Variants in XIRP2 observed in about 807,000 individuals in gnomAD.
XIRP2 encodes the protein xin actin binding repeat containing 2.
XIRP2 carries 236 observed loss-of-function variants against 277.0 expected under a neutral mutation model. The observed-to-expected ratio is 0.85, with a 90% confidence interval of 0.77 to 0.95. XIRP2 has a LOEUF of 0.95. XIRP2 is among the 40% of genes least tolerant of loss of function. The probability of loss-of-function intolerance (pLI) is 0.00; values close to 1 mark genes in which losing one functional copy is unlikely to be tolerated. For missense variants in XIRP2, 4,640 were observed against 4,157.5 expected (o/e 1.12, Z -3.19); for synonymous variants, 1,490 against 1,416.5 (o/e 1.05, Z -1.17).
At chr2:167,084,153 G>A (rs1689844922) in intron 2 of XIRP2, among the ~76,000 whole-genome samples, 1 of 152,178 alleles carries the variant, frequency 6.6e-6, no homozygotes, top group South Asian at 2.1e-4. Flanking sequence ...AGCATGAATT[G>A]TTGTTGAATT....
intron 3 of XIRP2, among the ~76,000 whole-genome samples, chr2:167,182,350 A>G (rs1693039374): frequency 6.6e-6 from 1 of 152,200 alleles, no homozygotes; most frequent in Admixed American, 6.5e-5. Flanking sequence ...GGTCAGAATT[A>G]CATATCAGAT....
rs1170418987 is a variant in XIRP2, at chr2:167,141,861, AAAAAT to A, written c.562+5806_562+5810del. Among the ~76,000 whole-genome samples the A allele has an allele frequency of 2.6e-5, 4 of 152,142 alleles. No homozygotes were observed. The East Asian group carries it at 5.8e-4, about 22-fold the overall frequency. ...GGGTGACAGAGCAAGACCCTGTCTC[AAAAAT>A]AAAATATAGAAAAGAAAATATACAT... On this transcript the variant is annotated intron_variant, in intron 3 of 10. Transcript: ENST00000409195.
intron 2 of XIRP2, among the ~76,000 whole-genome samples, chr2:167,087,958 G>C (rs1690014290): frequency 6.6e-6 from 1 of 152,064 alleles, no homozygotes; most frequent in African/African-American, 2.4e-5. Context: ...GGCCATCTTG[G>C]CTCCTCCCCA....
chr2:167,251,889 A>C lies in XIRP2; in HGVS notation c.10497A>C (p.Ala3499=), dbSNP rs1177121259. 6.3e-7 allele frequency: 1 copy of C among 1,599,826 alleles called. No individual in the cohort carries two copies. The highest frequency in any genetic ancestry group is 1.7e-5 in the Admixed American group (1 of 57,464). ...RVFKGLGYAT[A]DASATEMRTT... is the part of the protein sequence containing the mutation. ...TTAAAGGCCTGGGATATGCAACCGC[A>C]GATGCTTCTGCAACTGAGATGAGAA... Residue 3499 remains alanine (A), a synonymous_variant, in exon 9 of 11, where the codon GCA becomes GCC. Coordinates refer to ENST00000409195, the MANE Select transcript of XIRP2 (RefSeq NM_152381.6).
At chr2:166,951,623 AT>A (rs985600310) in intron 2 of XIRP2, among the ~76,000 whole-genome samples, 4 of 151,864 alleles carry the variant, frequency 2.6e-5, no homozygotes, top group Non-Finnish European at 5.9e-5. Flanking sequence ...TGCATTGAAT[AT>A]TTTTTTTGAT....
In XIRP2 at chr2:167,243,479, T is replaced by A. The variant is rs1695142944; in HGVS notation, c.2087T>A (p.Phe696Tyr). 1 of 1,614,094 alleles carries A rather than the reference T, an allele frequency of 6.2e-7. No individual in the cohort carries two copies. Residue 696 changes from phenylalanine to tyrosine, a missense_variant, in exon 9 of 11, where the codon TTT (phenylalanine) becomes TAT (tyrosine). Coordinates refer to ENST00000409195, the MANE Select transcript of XIRP2 (RefSeq NM_152381.6). ...GATGTCAAGACTGTGAGATACATGTTTGAAACTCAACATCTAGATCAACTT... is the reference window on the plus strand; with the variant it reads ...GATGTCAAGACTGTGAGATACATGTATGAAACTCAACATCTAGATCAACTT... ...GGDVKTVRYMFETQHLDQLGQ... is the reference protein window; with the variant it reads ...GGDVKTVRYMYETQHLDQLGQ...
intron 2 of XIRP2, among the ~76,000 whole-genome samples, chr2:167,019,042 C>T (rs1687911438): frequency 6.6e-6 from 1 of 151,904 alleles, no homozygotes; most frequent in South Asian, 2.1e-4. Context: ...TGAATAACTG[C>T]ATGCACAAGA....
chr2:167,082,390 A>G (rs941426374), intron 2 of XIRP2, among the ~76,000 whole-genome samples: 1 of 151,882 alleles, frequency 6.6e-6, no homozygotes, highest in Non-Finnish European at 1.5e-5. Context: ...ATTGTGAATA[A>G]TGCCGCAATA....
At chr2:167,145,607 T>C (rs1052713191) in intron 3 of XIRP2, among the ~76,000 whole-genome samples, 18 of 152,094 alleles carry the variant, frequency 1.2e-4, no homozygotes, top group African/African-American at 4.3e-4. Flanking sequence ...AAAAAAGAAA[T>C]GAATGTCAAA....
intron 2 of XIRP2, among the ~76,000 whole-genome samples, chr2:167,122,873 C>T (rs2105306077): frequency 6.6e-6 from 1 of 152,208 alleles, no homozygotes; most frequent in East Asian, 1.9e-4. Flanking sequence ...TCCTAGTTTG[C>T]ATTTACAGTT....
chr2:167,098,859 G>A (rs1261395138), intron 2 of XIRP2, among the ~76,000 whole-genome samples: 1 of 152,160 alleles, frequency 6.6e-6, no homozygotes, highest in African/African-American at 2.4e-5. Flanking sequence ...GTTTGGCTGG[G>A]TATCACCAGT....
At chr2:167,193,380 T>A (rs868445649) in intron 3 of XIRP2, among the ~76,000 whole-genome samples, 23 of 152,300 alleles carry the variant, frequency 1.5e-4, no homozygotes, top group African/African-American at 5.5e-4. Context: ...TATACACCAA[T>A]GTGTATGTAT....
chr2:167,199,703 G>A (rs569167918), intron 3 of XIRP2, among the ~76,000 whole-genome samples: 19 of 152,236 alleles, frequency 1.2e-4, no homozygotes, highest in East Asian at 1.2e-3. Flanking sequence ...CCTGCCTACC[G>A]TCTCTCCATG....
At chr2:166,968,232 G>A (rs1356592874) in intron 2 of XIRP2, among the ~76,000 whole-genome samples, 1 of 151,762 alleles carries the variant, frequency 6.6e-6, no homozygotes, top group African/African-American at 2.4e-5. Flanking sequence ...ATGATAGAAG[G>A]GCCCACATCA....
chr2:167,112,762 G>A (rs1050057889), intron 2 of XIRP2, among the ~76,000 whole-genome samples: 2 of 151,736 alleles, frequency 1.3e-5, no homozygotes, highest in African/African-American at 4.8e-5. Context: ...AGTGATTCTC[G>A]TACCTCAGCC....
intron 5 of XIRP2, among the ~76,000 whole-genome samples, chr2:167,236,558 A>T (rs78172496): frequency 0.03 from 4,570 of 152,102 alleles, 92 homozygotes; most frequent in Non-Finnish European, 0.046. Flanking sequence ...GAGCATATAC[A>T]TCATCTCTTT....
intron 2 of XIRP2, among the ~76,000 whole-genome samples, chr2:167,040,329 T>C (rs1203894826): frequency 2.6e-5 from 4 of 151,878 alleles, no homozygotes; most frequent in Non-Finnish European, 5.9e-5. Flanking sequence ...GGAAGGAAAC[T>C]AGGAACTCTG....
chr2:167,257,999 T>A lies in XIRP2; in HGVS notation c.*182T>A. ...ATGGAACTGCAAAAACCAAAGCAGA[T>A]CAGTGGACTTTATTCCTAATGAAGA... On this transcript the variant is annotated 3_prime_UTR_variant, in exon 11 of 11. Coordinates refer to ENST00000409195, the MANE Select transcript of XIRP2 (RefSeq NM_152381.6). 6.2e-7 allele frequency: 1 copy of A among 1,613,134 alleles called. No homozygotes were observed. Among genetic ancestry groups the A allele is most frequent in the African/African-American group, 1.3e-5 (1 of 74,956 alleles).
chr2:167,022,677 C>T (rs1688018522), intron 2 of XIRP2, among the ~76,000 whole-genome samples: 1 of 151,698 alleles, frequency 6.6e-6, no homozygotes, highest in African/African-American at 2.4e-5. Flanking sequence ...TCAATTCCCA[C>T]CTATGAGTGA....
Sources: gnomAD v4.1 joint callset for allele counts (sites outside exome capture counted in the v4.1 genomes callset) on GRCh38, gnomAD v4.1.1 for gene constraint, MANE v1.5 for transcripts, NCBI Gene and HGNC (gene_info 2026-07-23, HGNC 2026-07-21) for gene names.